Variants in LYPLAL1 observed in about 807,000 individuals in gnomAD.
The protein encoded by LYPLAL1 is lysophospholipase like 1, also known as lysophospholipase-like protein 1.
Under a neutral mutation model 19.7 loss-of-function variants are expected in LYPLAL1, and 23 were observed. That is an observed-to-expected ratio of 1.17 (90% CI 0.84 to 1.65). The LOEUF is 1.65. Ranked by LOEUF, LYPLAL1 falls within the 40% of genes most tolerant of loss-of-function variation. The pLI is 0.00. For synonymous variants in LYPLAL1, 119 were observed against 96.3 expected (o/e 1.24, Z -1.38); for missense variants, 355 against 279.4 (o/e 1.27, Z -1.93).
chr1:219,411,384 G>GT, the LYPLAL1 span, among the ~76,000 whole-genome samples: 8 of 152,288 alleles, frequency 5.3e-5, no homozygotes, highest in South Asian at 1.5e-3. Flanking sequence ...AATCAACACT[G>GT]TATCTAGCTG....
chr1:219,211,325 G>C (rs1322124761), intron 4 of LYPLAL1, among the ~76,000 whole-genome samples, 167 bp from the exon 5 acceptor site: 1 of 152,052 alleles, frequency 6.6e-6, no homozygotes, highest in African/African-American at 2.4e-5. Flanking sequence ...TAAGTCCCCA[G>C]GCCTGGCCCA....
chr1:219,406,949 T>C, the LYPLAL1 span, among the ~76,000 whole-genome samples: 1 of 152,170 alleles, frequency 6.6e-6, no homozygotes, highest in Non-Finnish European at 1.5e-5. Context: ...TATAACTGAA[T>C]CTGGAGGCAG....
chr1:219,309,222 C>T, the LYPLAL1 span, among the ~76,000 whole-genome samples: 8 of 152,280 alleles, frequency 5.3e-5, no homozygotes, highest in East Asian at 1.4e-3. Flanking sequence ...CCAGTTTCTC[C>T]CATCTGGAAT....
intron 1 of LYPLAL1, among the ~76,000 whole-genome samples, chr1:219,177,518 T>C (rs1655917729): frequency 6.6e-6 from 1 of 152,150 alleles, no homozygotes; most frequent in Non-Finnish European, 1.5e-5. Context: ...CACCTCACAC[T>C]CAACCTGTGT....
At chr1:219,244,199 ATAGTAAGTGAGGGATGCAGT>A in the LYPLAL1 span, among the ~76,000 whole-genome samples, 1 of 152,222 alleles carries the variant, frequency 6.6e-6, no homozygotes, top group Non-Finnish European at 1.5e-5. Flanking sequence ...TGACATAGTT[ATAGTAAGTGAGGGATGCAGT>A]TATTGCCTAT....
the LYPLAL1 span, among the ~76,000 whole-genome samples, chr1:219,301,756 T>G: frequency 6.5e-5 from 9 of 137,824 alleles, no homozygotes; most frequent in Non-Finnish European, 1.4e-4. Flanking sequence ...TACTCTCCTA[T>G]TTTTAACTAA....
chr1:219,208,909 G>A (rs750346009), intron 3 of LYPLAL1, among the ~76,000 whole-genome samples: 4 of 152,150 alleles, frequency 2.6e-5, no homozygotes, highest in East Asian at 1.9e-4. Flanking sequence ...GTGTATTTAC[G>A]TAAGCTGTTC....
At chr1:219,241,134 C>CTCTCTCTCTCTCTATATATATATATATA in the LYPLAL1 span, among the ~76,000 whole-genome samples, 4 of 44,366 alleles carry the variant, frequency 9.0e-5, no homozygotes, top group East Asian at 8.2e-4. Context: ...CTCTCTCTCT[C>CTCTCTCTCTCTCTATATATATATATATA]TATATATATA....
the LYPLAL1 span, among the ~76,000 whole-genome samples, chr1:219,373,422 C>T: frequency 6.6e-6 from 1 of 152,098 alleles, no homozygotes; most frequent in African/African-American, 2.4e-5. Context: ...CTCCTGCTTG[C>T]TGAGTTATTA....
At chr1:219,306,809 G>T in the LYPLAL1 span, among the ~76,000 whole-genome samples, 6 of 113,502 alleles carry the variant, frequency 5.3e-5, no homozygotes, top group South Asian at 2.9e-4. Flanking sequence ...TGCATAGATA[G>T]ATATAGATAG....
chr1:219,290,259 T>C, the LYPLAL1 span, among the ~76,000 whole-genome samples: 5 of 152,214 alleles, frequency 3.3e-5, no homozygotes, highest in Non-Finnish European at 7.3e-5. Flanking sequence ...TGTGCTTCCA[T>C]GTCTTCCATC....
At chr1:219,229,335 G>GACAC in the LYPLAL1 span, among the ~76,000 whole-genome samples, 3 of 107,620 alleles carry the variant, frequency 2.8e-5, no homozygotes, top group Admixed American at 9.8e-5. Context: ...GAGAGAGAGA[G>GACAC]AGACACGCAG....
chr1:219,315,439 C>T, the LYPLAL1 span, among the ~76,000 whole-genome samples: 2 of 152,144 alleles, frequency 1.3e-5, no homozygotes, highest in East Asian at 1.9e-4. Flanking sequence ...CATAAAACAA[C>T]TCCCAAGGCT....
At chr1:219,174,371 C>T in intron 1 of LYPLAL1, 1 of 896,036 alleles carries the variant, frequency 1.1e-6, no homozygotes. Context: ...ATTTTTCAGT[C>T]GTAATTGCCC....
the LYPLAL1 span, among the ~76,000 whole-genome samples, chr1:219,391,765 A>C: frequency 6.6e-6 from 1 of 152,146 alleles, no homozygotes; most frequent in Non-Finnish European, 1.5e-5. Context: ...GGAACTCCTC[A>C]GTCTATTGAA....
At chr1:219,290,204 T>C in the LYPLAL1 span, among the ~76,000 whole-genome samples, 1 of 152,236 alleles carries the variant, frequency 6.6e-6, no homozygotes, top group Non-Finnish European at 1.5e-5. Context: ...ATTGTGGCTC[T>C]ATTGTGCTGT....
the LYPLAL1 span, among the ~76,000 whole-genome samples, chr1:219,245,175 C>CCCTTCCTT: frequency 4.8e-3 from 633 of 132,582 alleles, 3 homozygotes; most frequent in African/African-American, 7.8e-3. Flanking sequence ...CCTCTTCCAT[C>CCCTTCCTT]CCTTCCTTCC....
the LYPLAL1 span, among the ~76,000 whole-genome samples, chr1:219,250,736 A>G: frequency 6.6e-6 from 1 of 151,918 alleles, no homozygotes; most frequent in Non-Finnish European, 1.5e-5. Context: ...TCACGTCTTT[A>G]CTATTGTGAA....
At chr1:219,203,280 C>T (rs1028828072) in intron 3 of LYPLAL1, among the ~76,000 whole-genome samples, 4 of 150,136 alleles carry the variant, frequency 2.7e-5, no homozygotes, top group Admixed American at 2.6e-4. Flanking sequence ...ATGTTGAACT[C>T]AGTTTTACAA....
Sources: allele counts gnomAD v4.1 joint callset (sites outside exome capture counted in the v4.1 genomes callset), GRCh38; gene constraint gnomAD v4.1.1; transcripts MANE v1.5; gene names NCBI Gene and HGNC (gene_info 2026-07-23, HGNC 2026-07-21).